The following VAV3 variants were observed in gnomAD, a reference collection of about 807,000 sequenced individuals.
The protein encoded by VAV3 is guanine nucleotide exchange factor VAV3.
In VAV3, 94 loss-of-function variants were observed where a neutral mutation model predicts 131.2. The ratio of observed to expected loss-of-function variants is 0.72; its 90% confidence interval spans 0.61 to 0.85. VAV3 has a LOEUF of 0.85. Among genes scored for constraint, VAV3 ranks in the 40% least tolerant of loss-of-function variants. The pLI is 0.00. For missense variants in VAV3, 939 were observed against 1,002.7 expected (o/e 0.94, Z 0.86); for synonymous variants, 349 against 342.0 (o/e 1.02, Z -0.22).
intron 20 of VAV3, among the ~76,000 whole-genome samples, chr1:107,633,090 T>C (rs552201761): frequency 6.6e-6 from 1 of 152,294 alleles, no homozygotes; most frequent in East Asian, 1.9e-4. Context: ...TTTAACATTA[T>C]GTGGCTGTGA....
At chr1:107,746,535 G>A (rs1039386335) in intron 15 of VAV3, among the ~76,000 whole-genome samples, 2 of 152,184 alleles carry the variant, frequency 1.3e-5, no homozygotes, top group African/African-American at 4.8e-5. Flanking sequence ...ACCCCTATAT[G>A]TATAAACCTG....
chr1:107,776,086 T>C (rs1665340804), intron 4 of VAV3, among the ~76,000 whole-genome samples: 1 of 152,236 alleles, frequency 6.6e-6, no homozygotes, highest in Non-Finnish European at 1.5e-5. Context: ...CTAGTAATAT[T>C]GTGGTATTAC....
At chr1:107,582,953 G>A (rs1650181790) in intron 25 of VAV3, among the ~76,000 whole-genome samples, 6 of 152,036 alleles carry the variant, frequency 3.9e-5, no homozygotes. Context: ...GGGTCAAATG[G>A]TATTTCTAGT....
chr1:107,728,179 G>C (rs1661968831), intron 15 of VAV3, among the ~76,000 whole-genome samples: 1 of 152,206 alleles, frequency 6.6e-6, no homozygotes, highest in South Asian at 2.1e-4. Flanking sequence ...CAAATCCACT[G>C]GCTCCTGGAC....
chr1:107,712,735 AATAAGT>A (rs1660858913), intron 15 of VAV3, among the ~76,000 whole-genome samples: 1 of 152,146 alleles, frequency 6.6e-6, no homozygotes, highest in Non-Finnish European at 1.5e-5. Context: ...GATGAACAAA[AATAAGT>A]AAAGTCCCTG....
chr1:107,817,381 G>A (rs947755091), intron 2 of VAV3, among the ~76,000 whole-genome samples: 23 of 152,140 alleles, frequency 1.5e-4, no homozygotes, highest in African/African-American at 5.5e-4. Context: ...GGGTAACAGG[G>A]AATCATCAAC....
chr1:107,907,546 G>T (rs1329386169), intron 1 of VAV3, among the ~76,000 whole-genome samples: 7 of 152,290 alleles, frequency 4.6e-5, no homozygotes, highest in Non-Finnish European at 8.8e-5. Context: ...ATTAGGTCAT[G>T]AATGCTTTGC....
chr1:107,747,621 C>T (rs1041708646), intron 15 of VAV3, among the ~76,000 whole-genome samples: 3 of 152,120 alleles, frequency 2.0e-5, no homozygotes, highest in African/African-American at 7.2e-5. Flanking sequence ...ATAGCTGTAG[C>T]TGCTATTGTA....
At chr1:107,652,872 T>G (rs771959855) in intron 19 of VAV3, among the ~76,000 whole-genome samples, 3 of 152,142 alleles carry the variant, frequency 2.0e-5, no homozygotes, top group Non-Finnish European at 4.4e-5. Context: ...AAACTGCTAA[T>G]ATATTCCTTA....
intron 19 of VAV3, among the ~76,000 whole-genome samples, chr1:107,653,798 C>T (rs1656346732): frequency 6.6e-6 from 1 of 151,994 alleles, no homozygotes; most frequent in Admixed American, 6.6e-5. Context: ...TTTAAATTCC[C>T]TTTCCCTGGG....
intron 2 of VAV3, among the ~76,000 whole-genome samples, chr1:107,858,473 C>T (rs1669579361): frequency 6.6e-6 from 1 of 152,166 alleles, no homozygotes; most frequent in Non-Finnish European, 1.5e-5. Flanking sequence ...AACCCCCAGA[C>T]CAGTACCAGT....
At position 107,766,552 on chromosome 1, in the gene VAV3, T is replaced by G; in HGVS notation, c.718-2A>C. The stretch of plus-strand genomic sequence containing the variant: ...GTTCCGATGAAGTTTTACAAGTTCC[T>G]AAGAAAAGAAAACAATGTGAAAGGA... On this transcript the variant is annotated splice_acceptor_variant, in intron 7 of 26. Transcript: ENST00000370056. LOFTEE classifies it high-confidence loss of function. The G allele has an allele frequency of 6.2e-7, 1 of 1,609,398 alleles. No individual in the cohort carries two copies. Among genetic ancestry groups the G allele is most frequent in the Non-Finnish European group, 8.5e-7 (1 of 1,176,886 alleles).
chr1:107,728,606 T>TATACGTATAC (rs1557798901), intron 15 of VAV3, among the ~76,000 whole-genome samples: 1,760 of 79,040 alleles, frequency 0.022, 47 homozygotes, highest in African/African-American at 0.057. Flanking sequence ...TATACGTATA[T>TATACGTATAC]GTATATGTAT....
intron 1 of VAV3, among the ~76,000 whole-genome samples, chr1:107,944,930 G>A (rs896930428): frequency 2.0e-5 from 3 of 152,178 alleles, no homozygotes; most frequent in African/African-American, 7.2e-5. Context: ...TGAACCTGCG[G>A]AAGTTAAGAG....
chr1:107,612,913 C>A (rs184290104), intron 21 of VAV3, among the ~76,000 whole-genome samples: 90 of 152,164 alleles, frequency 5.9e-4, no homozygotes, highest in Non-Finnish European at 1.1e-3. Context: ...CCAGTGCCTG[C>A]CTTTGAGCTA....
intron 1 of VAV3, among the ~76,000 whole-genome samples, chr1:107,891,195 C>G (rs1489074310): frequency 6.6e-6 from 1 of 151,700 alleles, no homozygotes; most frequent in East Asian, 1.9e-4. Context: ...CATAGTCATT[C>G]ATCTTTTTCC....
intron 2 of VAV3, among the ~76,000 whole-genome samples, chr1:107,864,375 AC>A: frequency 6.6e-6 from 1 of 152,182 alleles, no homozygotes; most frequent in South Asian, 2.1e-4. Flanking sequence ...TAATCCAAGC[AC>A]TTTGGGAGGC....
chr1:107,735,231 A>C lies in VAV3; in HGVS notation c.1502+13737T>G, dbSNP rs559901997. On this transcript the variant is annotated intron_variant, in intron 15 of 26. Transcript: ENST00000370056. ...CAGTGTGTAGAGGGAAATTTATAGC[A>C]CTAAATGCCCACAGGAGAAAGCAGG... Among the ~76,000 whole-genome samples, 226 of 152,350 alleles carry C rather than the reference A, an allele frequency of 1.5e-3. 1 individual carries two copies. Among genetic ancestry groups the C allele is most frequent in the African/African-American group, 4.6e-3 (191 of 41,586 alleles).
intron 25 of VAV3, among the ~76,000 whole-genome samples, chr1:107,586,224 C>T (rs1466002844): frequency 6.6e-6 from 1 of 151,940 alleles, no homozygotes; most frequent in Non-Finnish European, 1.5e-5. Context: ...TAGCTACCTT[C>T]CCTACTAGCA....
Sources: gnomAD v4.1 joint callset for allele counts (sites outside exome capture counted in the v4.1 genomes callset) on GRCh38, gnomAD v4.1.1 for gene constraint, MANE v1.5 for transcripts, NCBI Gene and HGNC (gene_info 2026-07-23, HGNC 2026-07-21) for gene names.